Variants in MNAT1 observed in about 807,000 individuals in gnomAD.
MNAT1 encodes the protein CDK-activating kinase assembly factor MAT1.
MNAT1 carries 43 observed loss-of-function variants against 42.0 expected under a neutral mutation model. That is an observed-to-expected ratio of 1.02 (90% CI 0.80 to 1.32). The LOEUF (loss-of-function observed/expected upper bound fraction) is 1.32, where lower values mean the gene tolerates loss of function less well. MNAT1 is among the 40% of genes most tolerant of loss of function. The pLI is 0.00. For missense variants in MNAT1, 306 were observed against 350.4 expected (o/e 0.87, Z 1.01); for synonymous variants, 118 against 120.0 (o/e 0.98, Z 0.11).
chr14:60,793,408 G>A (rs2031893416), intron 1 of MNAT1, among the ~76,000 whole-genome samples: 1 of 151,738 alleles, frequency 6.6e-6, no homozygotes, highest in Admixed American at 6.6e-5. Flanking sequence ...TTGTCACGCA[G>A]GCTGGAGTGC....
At chr14:60,772,379 G>C (rs1053036239) in intron 1 of MNAT1, among the ~76,000 whole-genome samples, 1 of 152,204 alleles carries the variant, frequency 6.6e-6, no homozygotes, top group African/African-American at 2.4e-5. Flanking sequence ...GAGGTCAGGA[G>C]TTTGAGACCA....
At chr14:60,796,644 C>T (rs1347688861) in intron 2 of MNAT1, among the ~76,000 whole-genome samples, 2 of 152,100 alleles carry the variant, frequency 1.3e-5, no homozygotes, top group African/African-American at 4.8e-5. Context: ...GTAAACACTA[C>T]TATGTGTAAA....
chr14:60,954,175 C>T (rs1249197891), intron 7 of MNAT1, among the ~76,000 whole-genome samples: 1 of 151,930 alleles, frequency 6.6e-6, no homozygotes, highest in Non-Finnish European at 1.5e-5. Flanking sequence ...GCTTTATTTG[C>T]CTATTCAAGG....
intron 1 of MNAT1, among the ~76,000 whole-genome samples, chr14:60,748,657 C>T (rs1437438656): frequency 1.3e-5 from 2 of 152,198 alleles, no homozygotes; most frequent in Non-Finnish European, 2.9e-5. Flanking sequence ...CCCCTCTCCA[C>T]GTTTTTTCTC....
At chr14:60,889,184 A>G (rs944357907) in intron 7 of MNAT1, among the ~76,000 whole-genome samples, 2 of 152,210 alleles carry the variant, frequency 1.3e-5, no homozygotes, top group African/African-American at 4.8e-5. Context: ...GCATCACACT[A>G]CCTGACTTCA....
intron 7 of MNAT1, among the ~76,000 whole-genome samples, chr14:60,892,933 T>C (rs1444445003): frequency 6.6e-6 from 1 of 152,156 alleles, no homozygotes; most frequent in African/African-American, 2.4e-5. Flanking sequence ...GTGTCCAAGA[T>C]TATTAATAAA....
chr14:60,960,907 G>T (rs146733697), intron 7 of MNAT1, among the ~76,000 whole-genome samples: 278 of 152,144 alleles, frequency 1.8e-3, no homozygotes, highest in African/African-American at 6.6e-3. Flanking sequence ...CTAATCCATT[G>T]GGCAGCCAAA....
chr14:60,962,012 T>A (rs1036497671), intron 7 of MNAT1, among the ~76,000 whole-genome samples: 1 of 152,212 alleles, frequency 6.6e-6, no homozygotes, highest in Admixed American at 6.5e-5. Context: ...GAAGTGACAC[T>A]TGTTCCTCAT....
At chr14:60,827,917 C>A (rs778568180) in intron 6 of MNAT1, among the ~76,000 whole-genome samples, 1 of 152,010 alleles carries the variant, frequency 6.6e-6, no homozygotes, top group African/African-American at 2.4e-5. Context: ...ACATGGATAT[C>A]CCTGAAGAGT....
intron 1 of MNAT1, among the ~76,000 whole-genome samples, chr14:60,768,452 G>A (rs1206494697): frequency 6.6e-6 from 1 of 152,132 alleles, no homozygotes; most frequent in East Asian, 1.9e-4. Context: ...AGAAACACAA[G>A]GACAAATTAC....
chr14:60,943,053 C>CGCT (rs1555338078), intron 7 of MNAT1, among the ~76,000 whole-genome samples: 1 of 53,102 alleles, frequency 1.9e-5, no homozygotes, highest in African/African-American at 7.4e-5. Flanking sequence ...TGTGTGTGCG[C>CGCT]TTTTTTTTTT....
At chr14:60,765,531 T>G (rs2030780541) in intron 1 of MNAT1, among the ~76,000 whole-genome samples, 1 of 152,164 alleles carries the variant, frequency 6.6e-6, no homozygotes, top group Admixed American at 6.5e-5. Flanking sequence ...TTTAAAAAAT[T>G]AAAAACAAAG....
intron 7 of MNAT1, among the ~76,000 whole-genome samples, chr14:60,967,825 T>C (rs2139631279): frequency 6.6e-6 from 1 of 152,354 alleles, no homozygotes; most frequent in South Asian, 2.1e-4. Flanking sequence ...AACAAATTTA[T>C]GTAGAAATAT....
intron 7 of MNAT1, among the ~76,000 whole-genome samples, chr14:60,931,486 A>T (rs1393651708): frequency 7.9e-5 from 12 of 152,204 alleles, no homozygotes; most frequent in Non-Finnish European, 1.6e-4. Context: ...CTGATTCACC[A>T]CTACCACTTG....
At chr14:60,847,115 T>A (rs2033700879) in intron 6 of MNAT1, among the ~76,000 whole-genome samples, 1 of 152,120 alleles carries the variant, frequency 6.6e-6, no homozygotes, top group African/African-American at 2.4e-5. Context: ...TAAAGACTTG[T>A]TTTATTTGCC....
intron 7 of MNAT1, among the ~76,000 whole-genome samples, chr14:60,940,479 A>G (rs1024972540): frequency 2.0e-5 from 3 of 152,170 alleles, no homozygotes; most frequent in African/African-American, 7.2e-5. Flanking sequence ...GTGCAGTGGC[A>G]CGATCTTGGC....
At chr14:60,909,642 G>A (rs952444525) in intron 7 of MNAT1, among the ~76,000 whole-genome samples, 271 of 151,996 alleles carry the variant, frequency 1.8e-3, no homozygotes, top group African/African-American at 6.3e-3. Flanking sequence ...GTAGATATGT[G>A]GCATTATTTC....
At chr14:60,937,038 G>C (rs10467810) in intron 7 of MNAT1, among the ~76,000 whole-genome samples, 138,636 of 150,704 alleles carry the variant, frequency 0.92, 64,301 homozygotes, top group Non-Finnish European at 0.99. Flanking sequence ...TGAGAAGTGT[G>C]TGTTCATATC....
chr14:60,756,063 T>C (rs1041240924), intron 1 of MNAT1, among the ~76,000 whole-genome samples: 1 of 152,216 alleles, frequency 6.6e-6, no homozygotes, highest in African/African-American at 2.4e-5. Flanking sequence ...AATACTTGTC[T>C]TTTTTTGGGA....
Sources: allele counts gnomAD v4.1 joint callset (sites outside exome capture counted in the v4.1 genomes callset), GRCh38; gene constraint gnomAD v4.1.1; transcripts MANE v1.5; gene names NCBI Gene and HGNC (gene_info 2026-07-23, HGNC 2026-07-21).